The following PTPRM variants were observed in gnomAD, a reference collection of about 807,000 sequenced individuals.
PTPRM encodes the protein protein tyrosine phosphatase receptor type M.
PTPRM carries 47 observed loss-of-function variants against 186.7 expected under a neutral mutation model. The ratio of observed to expected loss-of-function variants is 0.25; its 90% CI spans 0.20 to 0.32. The LOEUF is 0.32. Ranked by LOEUF, PTPRM falls within the 10% of genes least tolerant of loss-of-function variation. The pLI is 1.00. For missense variants in PTPRM, 1,494 were observed against 1,865.0 expected, an observed-to-expected ratio of 0.80 and a Z score of 3.66; for synonymous variants, 668 against 674.9, an observed-to-expected ratio of 0.99 and a Z score of 0.16.
At chr18:7,683,050 A>G (rs1001338393) in intron 1 of PTPRM, among the ~76,000 whole-genome samples, 2 of 152,058 alleles carry the variant, frequency 1.3e-5, no homozygotes, top group African/African-American at 2.4e-5. Flanking sequence ...GGTCATGTCC[A>G]TGAGGCTTAG....
intron 22 of PTPRM, among the ~76,000 whole-genome samples, chr18:8,331,280 G>A (rs2095410907): frequency 1.3e-5 from 2 of 152,184 alleles, no homozygotes; most frequent in Admixed American, 1.3e-4. Context: ...AATTCTAAGA[G>A]CAAGTCATGC....
intron 1 of PTPRM, among the ~76,000 whole-genome samples, chr18:7,602,468 C>G (rs1481481414): frequency 2.0e-5 from 3 of 150,224 alleles, no homozygotes; most frequent in Admixed American, 6.6e-5. Context: ...TGCTCTGTAG[C>G]CCATGCTGGA....
chr18:8,044,756 C>CAAAAAAAAA (rs67620203), intron 7 of PTPRM, among the ~76,000 whole-genome samples: 1 of 104,668 alleles, frequency 9.6e-6, no homozygotes, highest in Non-Finnish European at 1.9e-5. Flanking sequence ...GACTCTGTCT[C>CAAAAAAAAA]AAAAAAAAAA....
intron 1 of PTPRM, among the ~76,000 whole-genome samples, chr18:7,635,478 C>A (rs1024267195): frequency 1.3e-5 from 2 of 152,152 alleles, no homozygotes; most frequent in African/African-American, 4.8e-5. Context: ...AAAGAAGTGA[C>A]CTTCTCTTTT....
intron 19 of PTPRM, among the ~76,000 whole-genome samples, chr18:8,293,776 A>C (rs778437764): frequency 7.2e-5 from 11 of 152,226 alleles, no homozygotes; most frequent in Non-Finnish European, 1.6e-4. Context: ...TAGAAGCTAC[A>C]TGTTTGAATA....
chr18:8,080,127 C>T (rs1193285897), intron 9 of PTPRM, among the ~76,000 whole-genome samples: 1 of 151,682 alleles, frequency 6.6e-6, no homozygotes, highest in African/African-American at 2.4e-5. Flanking sequence ...GAAATGTGTA[C>T]ATGCATAGTC....
At chr18:7,984,572 CATAT>C (rs71354583) in intron 7 of PTPRM, among the ~76,000 whole-genome samples, 1,369 of 88,620 alleles carry the variant, frequency 0.015, 20 homozygotes, top group South Asian at 0.021. Flanking sequence ...ATATATGCCC[CATAT>C]ATATATATAT....
At chr18:8,280,012 T>C (rs183210813) in intron 19 of PTPRM, among the ~76,000 whole-genome samples, 26 of 150,170 alleles carry the variant, frequency 1.7e-4, no homozygotes, top group African/African-American at 5.3e-4. Context: ...ATCGCTTCCA[T>C]TTAATGTGTG....
At chr18:8,021,501 C>T (rs1273019446) in intron 7 of PTPRM, among the ~76,000 whole-genome samples, 3 of 84,634 alleles carry the variant, frequency 3.5e-5, no homozygotes, top group Non-Finnish European at 7.6e-5. Flanking sequence ...GGTATTTGTC[C>T]TAAGCTCTCC....
At chr18:7,974,131 A>G (rs955848255) in intron 7 of PTPRM, among the ~76,000 whole-genome samples, 1 of 152,162 alleles carries the variant, frequency 6.6e-6, no homozygotes, top group Non-Finnish European at 1.5e-5. Context: ...ACCACAGGGA[A>G]ACCAGCTAAA....
At chr18:7,987,963 G>T in intron 7 of PTPRM, among the ~76,000 whole-genome samples, 1 of 149,304 alleles carries the variant, frequency 6.7e-6, no homozygotes, top group East Asian at 2.0e-4. Flanking sequence ...GATCACTTGA[G>T]TCCAGGAGTT....
At chr18:7,639,861 T>G (rs2038405937) in intron 1 of PTPRM, among the ~76,000 whole-genome samples, 1 of 152,240 alleles carries the variant, frequency 6.6e-6, no homozygotes, top group African/African-American at 2.4e-5. Context: ...CTAGTTAGAA[T>G]ATATCTGTAT....
chr18:8,255,659 C>T (rs985791974), intron 19 of PTPRM, among the ~76,000 whole-genome samples: 4 of 152,084 alleles, frequency 2.6e-5, no homozygotes, highest in Non-Finnish European at 4.4e-5. Flanking sequence ...ATGAACAAAA[C>T]ACATATACTA....
Position 8,051,740 on chromosome 18 carries a change from G to A in PTPRM, c.1133-17946G>A, listed in dbSNP as rs138665832. Among the ~76,000 whole-genome samples, 1,446 of 152,164 alleles carry A rather than the reference G, an allele frequency of 9.5e-3. 25 individuals carry two copies. Among genetic ancestry groups the A allele is most frequent in the African/African-American group, 0.032 (1,336 of 41,504 alleles). ...CTGCTTTTGGCTCAGTAAATATTTGGATTGTTTCCTTGCTTTTCTTTTTTA... is the reference window on the plus strand; with the variant it reads ...CTGCTTTTGGCTCAGTAAATATTTGAATTGTTTCCTTGCTTTTCTTTTTTA... On this transcript the variant is annotated intron_variant, in intron 7 of 32. Transcript: ENST00000580170.
At chr18:8,110,659 C>T (rs369178354) in intron 11 of PTPRM, among the ~76,000 whole-genome samples, 2 of 152,236 alleles carry the variant, frequency 1.3e-5, no homozygotes, top group South Asian at 4.2e-4. Context: ...GGAGAACGTC[C>T]TCCCTGAAAG....
At chr18:8,088,930 AG>A in intron 11 of PTPRM, 79 bp downstream of exon 11, 1 of 1,119,918 alleles carries the variant, frequency 8.9e-7, no homozygotes, top group Non-Finnish European at 1.3e-6. Flanking sequence ...TGTGTTTTCT[AG>A]GGATTTGCTG....
intron 13 of PTPRM, among the ~76,000 whole-genome samples, chr18:8,136,485 ATTTT>A (rs997938474): frequency 6.6e-6 from 1 of 152,224 alleles, no homozygotes; most frequent in East Asian, 1.9e-4. Flanking sequence ...AAAAAGATTG[ATTTT>A]TTTAGAGAAG....
chr18:7,829,405 G>A (rs531347515), intron 2 of PTPRM, among the ~76,000 whole-genome samples: 12 of 152,224 alleles, frequency 7.9e-5, no homozygotes, highest in Non-Finnish European at 1.2e-4. Context: ...GCTAATCAAC[G>A]TATTTGTATT....
At chr18:7,688,642 G>T (rs2039664084) in intron 1 of PTPRM, among the ~76,000 whole-genome samples, 1 of 152,214 alleles carries the variant, frequency 6.6e-6, no homozygotes, top group African/African-American at 2.4e-5. Flanking sequence ...CCAAGACTTT[G>T]GGAAGAGAGT....
Sources: gnomAD v4.1 joint callset for allele counts (sites outside exome capture counted in the v4.1 genomes callset) on GRCh38, gnomAD v4.1.1 for gene constraint, MANE v1.5 for transcripts, NCBI Gene and HGNC (gene_info 2026-07-23, HGNC 2026-07-21) for gene names.